ME3: variants seen among roughly 807,000 people sequenced by gnomAD.
The protein encoded by ME3 is NADP-dependent malic enzyme, mitochondrial.
A neutral mutation model predicts 68.9 loss-of-function variants in ME3; 48 were observed. The ratio of observed to expected loss-of-function variants is 0.70; its 90% CI spans 0.55 to 0.89. The LOEUF (loss-of-function observed/expected upper bound fraction) is 0.89, where lower values mean the gene tolerates loss of function less well. ME3 is among the 40% of genes least tolerant of loss of function. The pLI, the probability that ME3 is intolerant of heterozygous loss-of-function variation, is 0.00. For synonymous variants in ME3, 320 were observed against 318.8 expected, an observed-to-expected ratio of 1.00 and a Z score of -0.04; for missense variants, 675 against 797.4, an observed-to-expected ratio of 0.85 and a Z score of 1.85.
chr11:86,521,344 G>A (rs1195425305), intron 4 of ME3, among the ~76,000 whole-genome samples: 1 of 151,500 alleles, frequency 6.6e-6, no homozygotes, highest in Non-Finnish European at 1.5e-5. Flanking sequence ...GCAGTGAGCC[G>A]AGACTGCGCC....
intron 2 of ME3, among the ~76,000 whole-genome samples, chr11:86,562,000 A>G (rs1420136418): frequency 1.3e-5 from 2 of 152,204 alleles, no homozygotes; most frequent in African/African-American, 2.4e-5. Context: ...AATGCATGTC[A>G]TGCATCTACC....
At chr11:86,446,572 G>T in intron 12 of ME3, 85 bp from the exon 13 acceptor site, 1 of 1,351,818 alleles carries the variant, frequency 7.4e-7, no homozygotes, top group African/African-American at 1.4e-5. Flanking sequence ...CCAAATGTTG[G>T]ACCCTTCTTC....
At chr11:86,578,473 G>A (rs144866443) in intron 2 of ME3, among the ~76,000 whole-genome samples, 5 of 152,236 alleles carry the variant, frequency 3.3e-5, no homozygotes, top group Admixed American at 6.5e-5. Flanking sequence ...TTCCTGGTGC[G>A]TGCGAATAAG....
chr11:86,535,601 G>A (rs605618), intron 4 of ME3, among the ~76,000 whole-genome samples: 13,793 of 152,050 alleles, frequency 0.091, 842 homozygotes, highest in East Asian at 0.26. Context: ...CTTTTATCTC[G>A]CCATCCTAGC....
chr11:86,481,870 C>A (rs976144778), intron 7 of ME3, among the ~76,000 whole-genome samples: 1 of 152,140 alleles, frequency 6.6e-6, no homozygotes, highest in Non-Finnish European at 1.5e-5. Flanking sequence ...TGCTGCCACC[C>A]CTTATTCCAT....
intron 6 of ME3, among the ~76,000 whole-genome samples, chr11:86,494,789 C>A (rs1446809564): frequency 6.6e-6 from 1 of 152,170 alleles, no homozygotes; most frequent in Non-Finnish European, 1.5e-5. Context: ...CATTTGTCTC[C>A]CTCAGGCTCA....
chr11:86,486,989 T>C (rs2279046), intron 7 of ME3, among the ~76,000 whole-genome samples: 129,379 of 152,220 alleles, frequency 0.85, 55,137 homozygotes, highest in Non-Finnish European at 0.88. Flanking sequence ...GGGCACACAT[T>C]TTTCCTCCAT....
chr11:86,448,360 T>C, intron 10 of ME3, 105 bp from the exon 11 acceptor site: 1 of 834,584 alleles, frequency 1.2e-6, no homozygotes. Flanking sequence ...AGCCCCATGC[T>C]TTGGTTTGAG....
In ME3 at chr11:86,623,495, G is replaced by A. The variant is rs1017878131; in HGVS notation, c.183+48267C>T. Among the ~76,000 whole-genome samples the A allele has an allele frequency of 2.1e-5, 3 of 142,718 alleles. No homozygotes were observed. In the Admixed American group the frequency reaches 2.1e-4, roughly 10 times the overall value. The allele number at this position is 142,718 out of a possible 152,430, so 93.6% of individuals were successfully genotyped here. On this transcript the variant is annotated intron_variant, in intron 2 of 14. Transcript: ENST00000543262. ...CTTACATATCTGTATATGTCCTGTTGGTTTTGTTTCTTTGGAGAACGCTAA... is the reference window on the plus strand; with the variant it reads ...CTTACATATCTGTATATGTCCTGTTAGTTTTGTTTCTTTGGAGAACGCTAA...
At chr11:86,660,957 C>G (rs866214355) in intron 2 of ME3, among the ~76,000 whole-genome samples, 1 of 152,158 alleles carries the variant, frequency 6.6e-6, no homozygotes, top group Admixed American at 6.5e-5. Context: ...TTTTCACCAT[C>G]TTTTCAAAAG....
In ME3 at chr11:86,465,008, T is replaced by C; in HGVS notation, c.919+83A>G. 5 of 1,135,596 alleles carry C rather than the reference T, an allele frequency of 4.4e-6. No individual in the cohort carries two copies. The South Asian group carries it at 6.3e-5, about 14-fold the overall frequency. The allele number at this position is 1,135,596 out of a possible 1,614,324, so 70.3% of individuals were successfully genotyped here. A position where few individuals can be genotyped will look rare whatever the true frequency, so the allele number is the denominator to read the frequency against. On this transcript the variant is annotated intron_variant, in intron 8 of 14. Coordinates refer to ENST00000543262, the Ensembl canonical transcript of ME3. ...GCAAACCAACTATGGGGTGACAGCC[T>C]TTCCTCACCCCTTTGGCATCCCAGT...
intron 4 of ME3, among the ~76,000 whole-genome samples, chr11:86,515,101 A>G (rs144865518): frequency 6.6e-6 from 1 of 152,324 alleles, no homozygotes; most frequent in East Asian, 1.9e-4. Context: ...AAAATCTTTC[A>G]TTATATGGGT....
At chr11:86,564,356 A>C (rs1957376494) in intron 2 of ME3, among the ~76,000 whole-genome samples, 1 of 152,104 alleles carries the variant, frequency 6.6e-6, no homozygotes, top group South Asian at 2.1e-4. Flanking sequence ...TCTTTTGCAG[A>C]AATAGAAAAG....
intron 2 of ME3, among the ~76,000 whole-genome samples, chr11:86,569,540 G>A (rs2139536175): frequency 6.6e-6 from 1 of 152,210 alleles, no homozygotes; most frequent in South Asian, 2.1e-4. Context: ...TTCTTGAGTT[G>A]TAACTACTAG....
At chr11:86,568,680 G>A (rs1306887119) in intron 2 of ME3, among the ~76,000 whole-genome samples, 1 of 152,210 alleles carries the variant, frequency 6.6e-6, no homozygotes, top group Non-Finnish European at 1.5e-5. Context: ...CTCTTCAGAG[G>A]CCTGGGCTTC....
At chr11:86,469,057 G>C (rs376080597) in intron 7 of ME3, among the ~76,000 whole-genome samples, 6 of 150,444 alleles carry the variant, frequency 4.0e-5, no homozygotes, top group African/African-American at 1.5e-4. Context: ...AGCCTTACAG[G>C]TTCTTAAAAA....
intron 4 of ME3, among the ~76,000 whole-genome samples, chr11:86,519,472 A>T (rs1428639484): frequency 1.3e-5 from 2 of 152,190 alleles, no homozygotes; most frequent in Non-Finnish European, 2.9e-5. Context: ...ACCCTGAACA[A>T]CACCCACTCA....
At chr11:86,621,687 A>C (rs1353249756) in intron 2 of ME3, among the ~76,000 whole-genome samples, 2 of 151,976 alleles carry the variant, frequency 1.3e-5, no homozygotes, top group African/African-American at 4.8e-5. Context: ...TTTAAGGCAA[A>C]GTTAGTCTAA....
At chr11:86,471,935 T>G (rs1950804298) in intron 7 of ME3, among the ~76,000 whole-genome samples, 2 of 152,206 alleles carry the variant, frequency 1.3e-5, no homozygotes, top group Admixed American at 1.3e-4. Flanking sequence ...CAATACTCTG[T>G]GGCATCAGTA....
Sources: gnomAD v4.1 joint callset for allele counts (sites outside exome capture counted in the v4.1 genomes callset) on GRCh38, gnomAD v4.1.1 for gene constraint, MANE v1.5 for transcripts, NCBI Gene and HGNC (gene_info 2026-07-23, HGNC 2026-07-21) for gene names.